Variants in ARID1B observed in about 807,000 individuals in gnomAD.
The protein encoded by ARID1B is AT-rich interaction domain 1B.
Under a neutral mutation model 212.3 loss-of-function variants are expected in ARID1B, and 30 were observed. That is an observed-to-expected ratio of 0.14 (90% CI 0.11 to 0.19). The LOEUF is 0.19. Among genes scored for constraint, ARID1B ranks in the 10% least tolerant of loss-of-function variants. The probability of loss-of-function intolerance (pLI) is 1.00; values close to 1 mark genes in which losing one functional copy is unlikely to be tolerated. For synonymous variants in ARID1B, 1,402 were observed against 1,301.7 expected (o/e 1.08, Z -1.66); for missense variants, 2,891 against 3,204.0 (o/e 0.90, Z 2.36).
intron 4 of ARID1B, among the ~76,000 whole-genome samples, chr6:156,979,677 C>T (rs1450722110): frequency 6.6e-6 from 1 of 152,106 alleles, no homozygotes; most frequent in Non-Finnish European, 1.5e-5. Flanking sequence ...CCTACCCCAG[C>T]CTCCTGAGGA....
At chr6:157,029,803 C>T (rs370671272) in intron 4 of ARID1B, among the ~76,000 whole-genome samples, 78 of 152,124 alleles carry the variant, frequency 5.1e-4, no homozygotes, top group African/African-American at 1.1e-3. Flanking sequence ...GCGGGAGCCA[C>T]GTGGTTTAGC....
intron 13 of ARID1B, chr6:157,186,382 A>T (rs948722923): frequency 8.5e-6 from 4 of 469,430 alleles, no homozygotes; most frequent in Non-Finnish European, 1.8e-5. Flanking sequence ...AGGGCCTGTG[A>T]CACAGGAGGC....
In ARID1B at chr6:156,955,649, G is replaced by A. The variant is rs1010433933; in HGVS notation, c.2247+20073G>A. Among the ~76,000 whole-genome samples the A allele has an allele frequency of 6.6e-6, 1 of 152,146 alleles. No individual in the cohort carries two copies. Among genetic ancestry groups the A allele is most frequent in the African/African-American group, 2.4e-5 (1 of 41,424 alleles). On this transcript the variant is annotated intron_variant, in intron 4 of 19. Transcript: ENST00000636930. This position sits in a 1 kb window ranked among gnomAD's most constrained non-coding sequence, Gnocchi z 4.2. Reference sequence around the variant, plus strand: ...GTTCACCTTGCCACCTGAGTGATACGCCTCAGCTCCTTCCCTGTGTCCAGG... The same window carrying A: ...GTTCACCTTGCCACCTGAGTGATACACCTCAGCTCCTTCCCTGTGTCCAGG...
rs776902607 is a variant in ARID1B, at chr6:156,976,520, T to TC, written c.2247+40946dup. The TC allele has an allele frequency of 3.8e-4, 84 of 218,480 alleles. No homozygotes were observed. The East Asian group carries it at 9.3e-3, about 24-fold the overall frequency. The allele number at this position is 218,480 out of a possible 1,614,324, so 13.5% of individuals were successfully genotyped here. On this transcript the variant is annotated intron_variant, in intron 4 of 19. Transcript: ENST00000636930. ...GAGTGAAGGATTCAAAATTAACCAC[T>TC]CCAAGGGAGGATTGAAAAAAGAACC...
rs1583500498 is a variant in ARID1B at position 157,200,818 on chromosome 6, A to G, written c.4593A>G (p.Gly1531=). ...SQQQEMYNQY[G]GSYSGPDRRP... ...AGCAGGAGATGTACAACCAGTATGG[A>G]GGCTCCTACTCGGGCCCGGACCGCA... The change falls in exon 18 of 20, where the codon GGA becomes GGG. Residue 1531 remains glycine, a synonymous_variant. Coordinates refer to ENST00000636930, the MANE Select transcript of ARID1B (RefSeq NM_001374828.1). This position sits in a 1 kb window ranked among gnomAD's most constrained non-coding sequence, Gnocchi z 4.3. 6.2e-7 allele frequency: 1 copy of G among 1,613,986 alleles called. No individual in the cohort carries two copies. The highest frequency in any genetic ancestry group is 1.7e-5 in the Admixed American group (1 of 60,008).
chr6:157,107,190 C>T (rs1786552715), intron 5 of ARID1B, among the ~76,000 whole-genome samples: 1 of 152,186 alleles, frequency 6.6e-6, no homozygotes, highest in East Asian at 1.9e-4. Flanking sequence ...TCAAAGGTGT[C>T]AAGGTCACAA....
chr6:157,129,747 C>T (rs1302203596), intron 6 of ARID1B, among the ~76,000 whole-genome samples: 2 of 152,142 alleles, frequency 1.3e-5, no homozygotes, highest in African/African-American at 4.8e-5. Flanking sequence ...AAGTGGAACA[C>T]TACATATGTA....
At chr6:156,888,565 T>C (rs1487482694) in intron 2 of ARID1B, among the ~76,000 whole-genome samples, 1 of 151,578 alleles carries the variant, frequency 6.6e-6, no homozygotes, top group African/African-American at 2.4e-5. Flanking sequence ...GGCAATAATA[T>C]AACAAGAAAG....
At chr6:157,167,432 A>G in intron 9 of ARID1B, 1 of 344,152 alleles carries the variant, frequency 2.9e-6, no homozygotes, top group Non-Finnish European at 5.1e-6. Flanking sequence ...TTCAAGTATT[A>G]TTGGAGATTG....
At chr6:156,901,261 T>G in intron 2 of ARID1B, 115 bp from the exon 3 acceptor site, 3 of 1,150,034 alleles carry the variant, frequency 2.6e-6, no homozygotes, top group Non-Finnish European at 3.8e-6. Context: ...TTAGAAATAT[T>G]GAGTTTAGTT....
intron 1 of ARID1B, among the ~76,000 whole-genome samples, chr6:156,792,392 C>T (rs773877360): frequency 6.6e-6 from 1 of 152,096 alleles, no homozygotes; most frequent in Non-Finnish European, 1.5e-5. Flanking sequence ...GTGCTTGAGG[C>T]CAGGAGTCCA....
At chr6:156,868,679 T>G (rs1785894193) in intron 2 of ARID1B, among the ~76,000 whole-genome samples, 1 of 152,224 alleles carries the variant, frequency 6.6e-6, no homozygotes. Context: ...AGGCCCCACC[T>G]TTTAATGCCA....
rs182987103 is a variant in ARID1B at position 157,153,637 on chromosome 6, A to G, written c.3089+4686A>G. 2.6e-5 allele frequency among the ~76,000 whole-genome samples: 4 copies of G among 152,314 alleles called. No individual in the cohort carries two copies. The East Asian group carries it at 7.7e-4, about 29-fold the overall frequency. ...GCCAAAGTTTGCCAGAAGCTTAGGA[A>G]GAACTTTGGCCTACCACTTCCTAAA... On this transcript the variant is annotated intron_variant, in intron 8 of 19. Transcript: ENST00000636930.
At chr6:156,827,278 T>C (rs564240532) in intron 1 of ARID1B, among the ~76,000 whole-genome samples, 3 of 152,330 alleles carry the variant, frequency 2.0e-5, no homozygotes, top group South Asian at 4.1e-4. Flanking sequence ...CTCCTGGGGA[T>C]ATGGTGATTG....
chr6:157,010,299 T>TG (rs1182566497), intron 4 of ARID1B, among the ~76,000 whole-genome samples: 658 of 129,880 alleles, frequency 5.1e-3, no homozygotes, highest in Non-Finnish European at 8.2e-3. Flanking sequence ...TTTTTTTTTT[T>TG]TTTTTGTTGT....
chr6:156,822,880 G>A (rs1562412319), intron 1 of ARID1B, among the ~76,000 whole-genome samples: 1 of 152,158 alleles, frequency 6.6e-6, no homozygotes, highest in Non-Finnish European at 1.5e-5. Context: ...CTAGACGGCC[G>A]TGTTGCATCC....
intron 3 of ARID1B, among the ~76,000 whole-genome samples, chr6:156,933,697 A>G (rs1758193616): frequency 6.6e-6 from 1 of 152,208 alleles, no homozygotes; most frequent in South Asian, 2.1e-4. Flanking sequence ...ATTCTCTTAG[A>G]AAAATATGAT....
At chr6:157,178,783 T>C (rs1161434608) in intron 11 of ARID1B, among the ~76,000 whole-genome samples, 1 of 152,226 alleles carries the variant, frequency 6.6e-6, no homozygotes, top group African/African-American at 2.4e-5. Flanking sequence ...TCCATCATTA[T>C]CTCAGGCCTA....
At chr6:156,859,013 C>T (rs1258311179) in intron 2 of ARID1B, among the ~76,000 whole-genome samples, 1 of 152,048 alleles carries the variant, frequency 6.6e-6, no homozygotes, top group Non-Finnish European at 1.5e-5. Context: ...ACCCTATACA[C>T]TTAGGGTACA....
Sources: allele counts gnomAD v4.1 joint callset (sites outside exome capture counted in the v4.1 genomes callset), GRCh38; gene constraint gnomAD v4.1.1; non-coding constraint Gnocchi (gnomAD v3.1); transcripts MANE v1.5; gene names NCBI Gene and HGNC (gene_info 2026-07-23, HGNC 2026-07-21).